The following ZNF462 variants were observed in gnomAD, a reference collection of about 807,000 sequenced individuals.
The protein encoded by ZNF462 is zinc finger PBX1-interacting protein.
In ZNF462, 10 loss-of-function variants were observed where a neutral mutation model predicts 201.9. The observed-to-expected ratio is 0.05, with a 90% confidence interval of 0.03 to 0.08. ZNF462 has a LOEUF of 0.08. ZNF462 is among the 10% of genes least tolerant of loss of function. The pLI is 1.00. For missense variants in ZNF462, 2,523 were observed against 3,168.3 expected (o/e 0.80, Z 4.89); for synonymous variants, 1,227 against 1,193.3 (o/e 1.03, Z -0.58).
chr9:106,984,433 C>T lies in ZNF462; in HGVS notation c.7056+24C>T, dbSNP rs1827671172. On this transcript the variant is annotated intron_variant, in intron 10 of 12. Transcript: ENST00000277225. The surrounding 1 kb of genome is among the most constrained non-coding windows in gnomAD (Gnocchi z 6.4). ...AGGTACTTACCAGGACTTCCTGCTC[C>T]CGCCTCAGCACACTTGTGGGGAGGG... 6.3e-7 allele frequency: 1 copy of T among 1,589,408 alleles called. No individual in the cohort carries two copies. The highest frequency in any genetic ancestry group is 8.6e-7 in the Non-Finnish European group (1 of 1,166,164).
intron 1 of ZNF462, among the ~76,000 whole-genome samples, chr9:106,915,145 T>G (rs1829717367): frequency 6.6e-6 from 1 of 151,992 alleles, no homozygotes; most frequent in African/African-American, 2.4e-5. Context: ...CTGTCGCTTT[T>G]TGGTTTTAGT....
chr9:106,911,017 A>G (rs1033266090), intron 1 of ZNF462, among the ~76,000 whole-genome samples: 3 of 152,200 alleles, frequency 2.0e-5, no homozygotes, highest in Non-Finnish European at 4.4e-5. Context: ...AGTATTTTCT[A>G]GGTAAAATAC....
chr9:106,934,155 T>C (rs1830533514), intron 5 of ZNF462, among the ~76,000 whole-genome samples: 1 of 152,152 alleles, frequency 6.6e-6, no homozygotes, highest in South Asian at 2.1e-4. Flanking sequence ...CTATAAGGTA[T>C]GGCCCCATTA....
At position 106,927,643 on chromosome 9, in the gene ZNF462, C is replaced by T. The variant is rs1242879970; in HGVS notation, c.3731C>T (p.Pro1244Leu). The change falls in exon 3 of 13, where the codon CCT (proline) becomes CTT (leucine). Residue 1244 changes from proline (P) to leucine (L), a missense_variant. Coordinates refer to ENST00000277225, the MANE Select transcript of ZNF462 (RefSeq NM_021224.6). ...CTCTGCGACCGAAATCAGAAGAAGC[C>T]TGCCAGCTGCGTGCTTGTCTCCCCC... ...RSLCDRNQKK[P>L]ASCVLVSPSN... The T allele has an allele frequency of 1.2e-6, 2 of 1,613,964 alleles. No homozygotes were observed. The highest frequency in any genetic ancestry group is 2.7e-5 in the African/African-American group (2 of 74,892).
chr9:107,009,413 G>A lies in ZNF462; in HGVS notation c.7190-132G>A, dbSNP rs1261037472. 2.4e-6 allele frequency: 3 copies of A among 1,238,596 alleles called. No homozygotes were observed. Among genetic ancestry groups the A allele is most frequent in the South Asian group, 3.1e-5 (2 of 63,900 alleles). 76.7% of individuals were successfully genotyped at this position (1,238,596 alleles called of 1,614,324 possible). On this transcript the variant is annotated intron_variant, in intron 11 of 12. Transcript: ENST00000277225. This position sits in a 1 kb window ranked among gnomAD's most constrained non-coding sequence, Gnocchi z 6.1. The stretch of plus-strand genomic sequence containing the variant: ...AGGGGGAAACCTAAGAAAAAGTGAG[G>A]AATCTGGAAATTGCTTTCACCACAT...
rs755912354 is a variant in ZNF462 at position 106,974,337 on chromosome 9, G to C, written c.6832+64G>C. ...GGCAGGCAGCAGAGATGGCCTTCTA[G>C]GGATGCTCTCTCAGAGTGGCAGTAG... On this transcript the variant is annotated intron_variant, in intron 9 of 12. Coordinates refer to ENST00000277225, the MANE Select transcript of ZNF462 (RefSeq NM_021224.6). The surrounding 1 kb of genome is among the most constrained non-coding windows in gnomAD (Gnocchi z 4.0). 5 of 1,610,940 alleles carry C rather than the reference G, an allele frequency of 3.1e-6. No individual in the cohort carries two copies. In the South Asian group the frequency reaches 5.5e-5, roughly 18 times the overall value.
chr9:106,908,906 TATACATATATATATATATATATATATATA>T (rs1564090603), intron 1 of ZNF462, among the ~76,000 whole-genome samples: 3 of 76,760 alleles, frequency 3.9e-5, no homozygotes, highest in Non-Finnish European at 7.3e-5. Flanking sequence ...TTTGCCCATA[TATACATATATATATATATATATATATATA>T]TATATATTTT....
rs1240393053 is a variant in ZNF462 at position 106,932,380 on chromosome 9, G to A, written c.6013-66G>A. 6.2e-7 allele frequency: 1 copy of A among 1,609,520 alleles called. No individual in the cohort carries two copies. Among genetic ancestry groups the A allele is most frequent in the East Asian group, 2.2e-5 (1 of 44,652 alleles). On this transcript the variant is annotated intron_variant, in intron 4 of 12. Coordinates refer to ENST00000277225, the MANE Select transcript of ZNF462 (RefSeq NM_021224.6). This position sits in a 1 kb window ranked among gnomAD's most constrained non-coding sequence, Gnocchi z 6.8. ...ACACTGCTTGCTTGATGGAATGTTG[G>A]AGGATGAAACCCGGCCGGGGGGATA...
At chr9:106,891,959 A>T (rs1828597119) in intron 1 of ZNF462, among the ~76,000 whole-genome samples, 1 of 152,204 alleles carries the variant, frequency 6.6e-6, no homozygotes, top group Non-Finnish European at 1.5e-5. Flanking sequence ...TTTCAGGAGG[A>T]TTGGGGTTCT....
At chr9:106,877,348 A>G (rs1472434634) in intron 1 of ZNF462, among the ~76,000 whole-genome samples, 1 of 148,430 alleles carries the variant, frequency 6.7e-6, no homozygotes, top group East Asian at 2.0e-4. Context: ...CCAGAGAAAT[A>G]AATATGTCAT....
intron 1 of ZNF462, among the ~76,000 whole-genome samples, chr9:106,915,029 G>T (rs537136886): frequency 3.1e-4 from 47 of 152,074 alleles, no homozygotes; most frequent in Non-Finnish European, 1.8e-4. Context: ...TGTACAAAAA[G>T]GTTGAACGTC....
In ZNF462 at chr9:106,883,480, G is replaced by A. The variant is rs1828190169; in HGVS notation, c.-31+20125G>A. On this transcript the variant is annotated intron_variant, in intron 1 of 12. Transcript: ENST00000277225. This position sits in a 1 kb window ranked among gnomAD's most constrained non-coding sequence, Gnocchi z 4.9. ...ATTTTAATCCTCACATTTTATCCCA[G>A]TTCATTCTAAGGAGTTGCATTTTCC... is the stretch of plus-strand genomic sequence containing the variant. 6.6e-6 allele frequency among the ~76,000 whole-genome samples: 1 copy of A among 152,122 alleles called. No homozygotes were observed. Among genetic ancestry groups the A allele is most frequent in the Non-Finnish European group, 1.5e-5 (1 of 68,012 alleles).
intron 1 of ZNF462, among the ~76,000 whole-genome samples, chr9:106,887,399 A>G (rs1408474424): frequency 1.3e-5 from 2 of 152,220 alleles, no homozygotes; most frequent in Non-Finnish European, 2.9e-5. Context: ...ACAGTTTCAC[A>G]AAGGTCATAA....
chr9:106,907,895 T>A (rs1231091452), intron 1 of ZNF462, among the ~76,000 whole-genome samples: 1 of 152,058 alleles, frequency 6.6e-6, no homozygotes, highest in Non-Finnish European at 1.5e-5. Context: ...AGATTCCATA[T>A]TTAAATACAT....
upstream of ZNF462, among the ~76,000 whole-genome samples, chr9:106,860,274 C>A (rs1472485417): frequency 6.6e-6 from 1 of 152,168 alleles, no homozygotes; most frequent in African/African-American, 2.4e-5. The surrounding 1 kb of genome is among the most constrained non-coding windows in gnomAD (Gnocchi z 7.1). Flanking sequence ...TTGAGTTCAC[C>A]GCAGTCGGTC....
intron 1 of ZNF462, among the ~76,000 whole-genome samples, chr9:106,898,321 G>A (rs1163973652): frequency 6.6e-6 from 1 of 152,138 alleles, no homozygotes; most frequent in East Asian, 1.9e-4. Context: ...GAGATTCAGG[G>A]GTCCCTAGGA....
In ZNF462 at chr9:107,003,773, G is replaced by A. The variant is rs1241806942; in HGVS notation, c.7189+347G>A. Among the ~76,000 whole-genome samples, 1 of 152,108 alleles carries A rather than the reference G, an allele frequency of 6.6e-6. No individual in the cohort carries two copies. The highest frequency in any genetic ancestry group is 1.9e-4 in the East Asian group (1 of 5,170). The stretch of plus-strand genomic sequence containing the variant: ...TGGATGACACTGTAGAGCTCTAGAG[G>A]AATGAGAATGAACTTCCAGTTGAAT... On this transcript the variant is annotated intron_variant, in intron 11 of 12. Transcript: ENST00000277225. This position sits in a 1 kb window ranked among gnomAD's most constrained non-coding sequence, Gnocchi z 4.4.
At chr9:106,882,021 C>T (rs1031344446) in intron 1 of ZNF462, among the ~76,000 whole-genome samples, 2 of 152,186 alleles carry the variant, frequency 1.3e-5, no homozygotes, top group Non-Finnish European at 2.9e-5. Flanking sequence ...AATGTCTTAA[C>T]AGTTTTAATG....
intron 1 of ZNF462, among the ~76,000 whole-genome samples, chr9:106,911,213 G>C (rs543685463): frequency 3.3e-5 from 5 of 152,144 alleles, no homozygotes; most frequent in Non-Finnish European, 5.9e-5. Context: ...TTCTGATGCT[G>C]GTTCTGCAAC....
Sources: gnomAD v4.1 joint callset for allele counts (sites outside exome capture counted in the v4.1 genomes callset) on GRCh38, gnomAD v4.1.1 for gene constraint, Gnocchi (gnomAD v3.1) non-coding constraint, MANE v1.5 for transcripts, NCBI Gene and HGNC (gene_info 2026-07-23, HGNC 2026-07-21) for gene names.